The following FGF10 variants were observed in gnomAD, a reference collection of about 807,000 sequenced individuals.
FGF10 encodes FGF-10.
A neutral mutation model predicts 19.8 loss-of-function variants in FGF10; 2 were observed. The observed-to-expected ratio is 0.10, with a 90% CI of 0.04 to 0.32. FGF10 has a LOEUF of 0.32. Ranked by LOEUF, FGF10 falls within the 10% of genes least tolerant of loss-of-function variation. FGF10 has a pLI of 1.00. For missense variants in FGF10, 191 were observed against 246.3 expected (o/e 0.78, Z 1.50); for synonymous variants, 112 against 94.0 (o/e 1.19, Z -1.10).
chr5:44,380,220 C>A (rs558285649), intron 1 of FGF10, among the ~76,000 whole-genome samples: 1 of 152,168 alleles, frequency 6.6e-6, no homozygotes, highest in South Asian at 2.1e-4. Flanking sequence ...TTTAATAATT[C>A]TATCAGTAAA....
intron 1 of FGF10, among the ~76,000 whole-genome samples, chr5:44,330,780 A>G (rs1740715232): frequency 6.6e-6 from 1 of 152,206 alleles, no homozygotes. Context: ...TAAGCAATAT[A>G]AAGCCTCATC....
At chr5:44,387,494 A>G (rs1334994252) in intron 1 of FGF10, among the ~76,000 whole-genome samples, 1 of 152,208 alleles carries the variant, frequency 6.6e-6, no homozygotes, top group Non-Finnish European at 1.5e-5. Context: ...TGACAATGAA[A>G]TTTGTGTGAG....
At chr5:44,349,903 G>A (rs1215602979) in intron 1 of FGF10, among the ~76,000 whole-genome samples, 4 of 151,028 alleles carry the variant, frequency 2.6e-5, no homozygotes, top group Admixed American at 1.3e-4. Context: ...TTGTTATTTG[G>A]ATGTACTGTA....
At chr5:44,337,588 C>T (rs72763188) in intron 1 of FGF10, among the ~76,000 whole-genome samples, 42,313 of 152,056 alleles carry the variant, frequency 0.28, 6,232 homozygotes, top group Admixed American at 0.4. Flanking sequence ...TTTTTCTATG[C>T]GTGAAGCACT....
chr5:44,317,420 T>A (rs1246888637), intron 1 of FGF10, among the ~76,000 whole-genome samples: 1 of 152,172 alleles, frequency 6.6e-6, no homozygotes, highest in South Asian at 2.1e-4. Flanking sequence ...ATGAGTACAG[T>A]GGCAGATCCC....
chr5:44,349,451 T>TCAG (rs1330824805), intron 1 of FGF10, among the ~76,000 whole-genome samples: 1 of 16,706 alleles, frequency 6.0e-5, no homozygotes, highest in South Asian at 2.1e-3. Context: ...TATATATATA[T>TCAG]ATATATATAT....
In FGF10 at chr5:44,300,585, T is replaced by G. The variant is rs1469520383; in HGVS notation, c.*4410A>C. ...GAATGATCTTAAAACCTCTCTAACT[T>G]GGACAAACAAACAGGTGAAGAATAA... On this transcript the variant is annotated 3_prime_UTR_variant, in exon 3 of 3. Transcript: ENST00000264664. 6.6e-6 allele frequency among the ~76,000 whole-genome samples: 1 copy of G among 152,144 alleles called. No homozygotes were observed. The highest frequency in any genetic ancestry group is 1.5e-5 in the Non-Finnish European group (1 of 67,992).
At chr5:44,378,251 T>G (rs1741909640) in intron 1 of FGF10, among the ~76,000 whole-genome samples, 1 of 152,148 alleles carries the variant, frequency 6.6e-6, no homozygotes, top group Non-Finnish European at 1.5e-5. Flanking sequence ...GGTTTGGAAT[T>G]TTCTACTTGT....
chr5:44,362,067 A>G lies in FGF10; in HGVS notation c.325+26291T>C, dbSNP rs538971282. On this transcript the variant is annotated intron_variant, in intron 1 of 2. Transcript: ENST00000264664. ...TAAAAAGCCATGCCAAACCAGATAA[A>G]ACACATAGAAGAGAGATGATATTTC... is the stretch of plus-strand genomic sequence containing the variant. 5.3e-5 allele frequency among the ~76,000 whole-genome samples: 8 copies of G among 151,652 alleles called. No homozygotes were observed. In the South Asian group the frequency reaches 1.7e-3, roughly 31 times the overall value.
chr5:44,339,076 C>T (rs889597902), intron 1 of FGF10, among the ~76,000 whole-genome samples: 2 of 152,080 alleles, frequency 1.3e-5, no homozygotes, highest in African/African-American at 4.8e-5. Context: ...TAAAAGCGAT[C>T]AAAGCACACA....
chr5:44,353,543 A>G lies in FGF10; in HGVS notation c.325+34815T>C, dbSNP rs1741281598. Among the ~76,000 whole-genome samples the G allele has an allele frequency of 2.6e-5, 4 of 151,602 alleles. No homozygotes were observed. The South Asian group carries it at 8.3e-4, about 31-fold the overall frequency. On this transcript the variant is annotated intron_variant, in intron 1 of 2. Transcript: ENST00000264664. ...GCGTCAAGCCCCTTGGTAATTATGT[A>G]GAAATAATAAATTTTAAAAAGTAAA...
rs188491643 is a variant in FGF10, at chr5:44,301,759, G to T, written c.*3236C>A. 5.7e-3 allele frequency among the ~76,000 whole-genome samples: 870 copies of T among 152,146 alleles called. 2 individuals are homozygous for T. The highest frequency in any genetic ancestry group is 0.01 in the Non-Finnish European group (695 of 67,980). ...TTCTGTTGTTGTTGTTTGGGGCTGT[G>T]GGGCATTTAACCACATCCTGCCATG... On this transcript the variant is annotated 3_prime_UTR_variant, in exon 3 of 3. Transcript: ENST00000264664.
intron 1 of FGF10, among the ~76,000 whole-genome samples, chr5:44,356,966 C>A (rs956908288): frequency 2.0e-5 from 3 of 151,208 alleles, no homozygotes; most frequent in African/African-American, 7.3e-5. Context: ...TCCCCCAGTA[C>A]ACTTGGCTTT....
chr5:44,310,350 G>A (rs372498674), intron 2 of FGF10, 77 bp downstream of exon 2: 12 of 914,152 alleles, frequency 1.3e-5, no homozygotes, highest in Admixed American at 3.8e-5. Flanking sequence ...AAAGCTATTC[G>A]GTGTCTGGAG....
chr5:44,324,593 A>C (rs1217381645), intron 1 of FGF10, among the ~76,000 whole-genome samples: 5 of 152,150 alleles, frequency 3.3e-5, no homozygotes, highest in Non-Finnish European at 7.4e-5. Flanking sequence ...CTTTAAATTG[A>C]TTTTCTCAAA....
chr5:44,348,014 A>G (rs1309456898), intron 1 of FGF10, among the ~76,000 whole-genome samples: 1 of 151,694 alleles, frequency 6.6e-6, no homozygotes, highest in African/African-American at 2.4e-5. Flanking sequence ...TTTTCCTAAG[A>G]CTGCCACGAT....
intron 1 of FGF10, among the ~76,000 whole-genome samples, chr5:44,367,066 G>T (rs1159611184): frequency 6.6e-6 from 1 of 151,976 alleles, no homozygotes; most frequent in African/African-American, 2.4e-5. Context: ...ATGTGAGAAG[G>T]TTAAAAATCT....
At chr5:44,367,406 A>C (rs1741643005) in intron 1 of FGF10, among the ~76,000 whole-genome samples, 1 of 152,062 alleles carries the variant, frequency 6.6e-6, no homozygotes. Flanking sequence ...TAATTTGCTG[A>C]TGTAGCATAG....
chr5:44,310,329 A>G (rs1327624486), intron 2 of FGF10, 98 bp downstream of exon 2: 21 of 795,324 alleles, frequency 2.6e-5, no homozygotes, highest in Non-Finnish European at 4.3e-5. Flanking sequence ...TACTAGCAAT[A>G]GAAGGATAAC....
Sources: gnomAD v4.1 joint callset for allele counts (sites outside exome capture counted in the v4.1 genomes callset) on GRCh38, gnomAD v4.1.1 for gene constraint, MANE v1.5 for transcripts, NCBI Gene and HGNC (gene_info 2026-07-23, HGNC 2026-07-21) for gene names.